PHF24: variants seen among roughly 807,000 people sequenced by gnomAD.
PHF24 encodes the protein Galpha inhibitory interacting protein.
In PHF24, 25 loss-of-function variants were observed where a neutral mutation model predicts 42.6. The observed-to-expected ratio is 0.59, with a 90% CI of 0.43 to 0.82. The LOEUF is 0.82. Ranked by LOEUF, PHF24 falls within the 40% of genes least tolerant of loss-of-function variation. The probability of loss-of-function intolerance (pLI) is 0.00; values close to 1 mark genes in which losing one functional copy is unlikely to be tolerated. For missense variants in PHF24, 470 were observed against 538.1 expected, an observed-to-expected ratio of 0.87 and a Z score of 1.25; for synonymous variants, 185 against 204.8, an observed-to-expected ratio of 0.90 and a Z score of 0.83.
the PHF24 span, among the ~76,000 whole-genome samples, chr9:34,930,396 G>C: frequency 2.0e-5 from 3 of 152,344 alleles, no homozygotes; most frequent in East Asian, 5.8e-4. Flanking sequence ...TCTGACACAA[G>C]GGTAGAGTGC....
chr9:34,937,138 T>A, the PHF24 span, among the ~76,000 whole-genome samples: 1 of 151,884 alleles, frequency 6.6e-6, no homozygotes, highest in Non-Finnish European at 1.5e-5. Context: ...CACCACCCCG[T>A]CTGGGAGGCG....
At chr9:34,856,666 C>T in the PHF24 span, among the ~76,000 whole-genome samples, 1 of 152,186 alleles carries the variant, frequency 6.6e-6, no homozygotes, top group African/African-American at 2.4e-5. Context: ...GGAGCTCCGT[C>T]CCAGGGGGGC....
chr9:34,726,128 G>A, the PHF24 span: 3 of 1,425,994 alleles, frequency 2.1e-6, no homozygotes, highest in Non-Finnish European at 2.9e-6. Context: ...AACCCAGAAG[G>A]TCTGGATGGG....
At chr9:34,901,331 C>T in the PHF24 span, among the ~76,000 whole-genome samples, 1 of 152,144 alleles carries the variant, frequency 6.6e-6, no homozygotes, top group Non-Finnish European at 1.5e-5. Flanking sequence ...AACATGAATG[C>T]AAAAGTTCTT....
the PHF24 span, among the ~76,000 whole-genome samples, chr9:34,896,895 C>T: frequency 1.3e-5 from 2 of 152,140 alleles, no homozygotes; most frequent in Non-Finnish European, 2.9e-5. Context: ...GCGGCTCACA[C>T]CTGTAATCCC....
the PHF24 span, among the ~76,000 whole-genome samples, chr9:34,686,730 G>A: frequency 2.0e-5 from 3 of 152,136 alleles, no homozygotes; most frequent in Non-Finnish European, 2.9e-5. Flanking sequence ...TGCCATGTGC[G>A]CTAGAGAAGA....
At chr9:34,811,979 G>T in the PHF24 span, among the ~76,000 whole-genome samples, 1 of 152,194 alleles carries the variant, frequency 6.6e-6, no homozygotes, top group Non-Finnish European at 1.5e-5. Flanking sequence ...ATGGGAAAAT[G>T]ATGTGAATAG....
chr9:34,703,511 C>T, the PHF24 span, among the ~76,000 whole-genome samples: 1 of 151,842 alleles, frequency 6.6e-6, no homozygotes, highest in Non-Finnish European at 1.5e-5. Context: ...AAAGAAAGAA[C>T]CCGACAGTTG....
the PHF24 span, among the ~76,000 whole-genome samples, chr9:34,708,140 A>G: frequency 6.6e-6 from 1 of 152,102 alleles, no homozygotes. Flanking sequence ...GATTTGGGGA[A>G]TAGAAGGGTC....
chr9:34,899,165 T>C, the PHF24 span, among the ~76,000 whole-genome samples: 3 of 152,266 alleles, frequency 2.0e-5, no homozygotes, highest in Admixed American at 6.5e-5. Flanking sequence ...CACATTTGCC[T>C]TTCCTGCCTC....
chr9:34,927,355 G>A, the PHF24 span, among the ~76,000 whole-genome samples: 2 of 152,224 alleles, frequency 1.3e-5, no homozygotes, highest in South Asian at 2.1e-4. Context: ...AGTGGCTACC[G>A]GCCCCCAGAA....
the PHF24 span, chr9:34,837,008 T>G: frequency 1.5e-5 from 7 of 465,480 alleles, no homozygotes; most frequent in Non-Finnish European, 2.7e-5. Flanking sequence ...CCAGGCTAAA[T>G]GAAAAAATCA....
the PHF24 span, among the ~76,000 whole-genome samples, chr9:34,712,974 T>C: frequency 6.6e-5 from 10 of 152,336 alleles, no homozygotes; most frequent in Non-Finnish European, 1.5e-4. Context: ...TGGGCCATAC[T>C]TTCCTATTTC....
the PHF24 span, among the ~76,000 whole-genome samples, chr9:34,822,352 A>G: frequency 2.0e-5 from 3 of 152,220 alleles, no homozygotes; most frequent in African/African-American, 4.8e-5. Flanking sequence ...CAGCCATTAT[A>G]TCTCTGAAAA....
chr9:34,958,564 T>C lies in PHF24; in HGVS notation c.-5+163T>C, dbSNP rs1020765458. Among the ~76,000 whole-genome samples the C allele has an allele frequency of 6.6e-5, 10 of 152,060 alleles. No homozygotes were observed. Among genetic ancestry groups the C allele is most frequent in the African/African-American group, 2.4e-4 (10 of 41,424 alleles). On this transcript the variant is annotated intron_variant, in intron 1 of 7. Transcript: ENST00000242315. The surrounding 1 kb of genome is among the most constrained non-coding windows in gnomAD (Gnocchi z 4.5). ...CCCAAGTAGCTGCTGCCTCTACGCCTTGGGGGAGTCCCTGAGGTGCTGTGG... is the reference window on the plus strand; with the variant it reads ...CCCAAGTAGCTGCTGCCTCTACGCCCTGGGGGAGTCCCTGAGGTGCTGTGG...
chr9:34,917,059 G>T, the PHF24 span: 4 of 658,230 alleles, frequency 6.1e-6, no homozygotes, highest in South Asian at 6.3e-5. Context: ...TCAAGAGTGG[G>T]TGAAGAGCGG....
the PHF24 span, chr9:34,922,574 G>A: frequency 3.0e-5 from 29 of 967,096 alleles, no homozygotes; most frequent in Non-Finnish European, 4.7e-5. Flanking sequence ...TCAAATAGAA[G>A]AATTTGCTCT....
the PHF24 span, among the ~76,000 whole-genome samples, chr9:34,815,740 T>G: frequency 6.6e-6 from 1 of 152,216 alleles, no homozygotes; most frequent in East Asian, 1.9e-4. Context: ...GCCTTGATAT[T>G]CCTCCAGTGA....
chr9:34,766,645 A>G, the PHF24 span, among the ~76,000 whole-genome samples: 2 of 152,090 alleles, frequency 1.3e-5, no homozygotes, highest in South Asian at 2.1e-4. Context: ...TTTGGTTTGA[A>G]TTTCCTCCTG....
Sources: gnomAD v4.1 joint callset for allele counts (sites outside exome capture counted in the v4.1 genomes callset) on GRCh38, gnomAD v4.1.1 for gene constraint, Gnocchi (gnomAD v3.1) non-coding constraint, MANE v1.5 for transcripts, NCBI Gene and HGNC (gene_info 2026-07-23, HGNC 2026-07-21) for gene names.